The following FAM181A variants were observed in gnomAD, a reference collection of about 807,000 sequenced individuals.
FAM181A encodes protein FAM181A.
In FAM181A, 7 loss-of-function variants were observed where a neutral mutation model predicts 16.3. That is an observed-to-expected ratio of 0.43 (90% CI 0.24 to 0.81). The LOEUF is 0.81. Among genes scored for constraint, FAM181A ranks in the 30% least tolerant of loss-of-function variants. The pLI is 0.24. For synonymous variants in FAM181A, 183 were observed against 164.9 expected (o/e 1.11, Z -0.84); for missense variants, 349 against 377.5 (o/e 0.92, Z 0.63).
chr14:93,925,879 T>C (rs529147848), upstream of FAM181A, among the ~76,000 whole-genome samples: 1 of 151,436 alleles, frequency 6.6e-6, no homozygotes, highest in South Asian at 2.1e-4. Flanking sequence ...GTAGGGGAGA[T>C]GGCTTGGAGT....
chr14:93,928,746 A>C lies in FAM181A; in HGVS notation c.461A>C (p.Glu154Ala), dbSNP rs771128616. 6 of 1,613,804 alleles carry C rather than the reference A, an allele frequency of 3.7e-6. No individual in the cohort carries two copies. The highest frequency in any genetic ancestry group is 4.2e-6 in the Non-Finnish European group (5 of 1,179,950). ...ACCCACAGCTACCATGTGGGGCTGGAGGGGGGACTGGGCCCCAGGGAGGGA... is the reference window on the plus strand; with the variant it reads ...ACCCACAGCTACCATGTGGGGCTGGCGGGGGGACTGGGCCCCAGGGAGGGA... ...RPTHSYHVGL[E>A]GGLGPREGPP... The change falls in exon 2 of 2, where the codon GAG (glutamate) becomes GCG (alanine). Residue 154 changes from glutamate to alanine, a missense_variant. Glu to Ala is a moderately radical substitution (Grantham distance 107). Coordinates refer to ENST00000556222, the MANE Select transcript of FAM181A (RefSeq NM_001207073.2).
rs1467220848 is a variant in FAM181A at position 93,927,671 on chromosome 14, C to T, written c.-88+217C>T. ...CAGACAGGGGTCCTGCCTGGTCCTG[C>T]GTGAGAGCTGGGGGTGGAGCGTGGG... On this transcript the variant is annotated intron_variant, in intron 1 of 1. Coordinates refer to ENST00000556222, the MANE Select transcript of FAM181A (RefSeq NM_001207073.2). 9 of 1,207,018 alleles carry T rather than the reference C, an allele frequency of 7.5e-6. No individual in the cohort carries two copies. In the Admixed American group the frequency reaches 1.3e-4, roughly 18 times the overall value. 74.8% of individuals were successfully genotyped at this position (1,207,018 alleles called of 1,614,324 possible).
Position 93,929,320 on chromosome 14 carries a change from G to A in FAM181A, c.*156G>A. ...GCAGGATTGGGGCAGGGCTCCTCAG[G>A]CAGTGACCCTTCAGCCTTGCAGCCT... On this transcript the variant is annotated 3_prime_UTR_variant, in exon 2 of 2. Coordinates refer to ENST00000556222, the MANE Select transcript of FAM181A (RefSeq NM_001207073.2). 9.5e-7 allele frequency: 1 copy of A among 1,051,126 alleles called. No individual in the cohort carries two copies. The highest frequency in any genetic ancestry group is 1.3e-6 in the Non-Finnish European group (1 of 776,780). The allele number at this position is 1,051,126 out of a possible 1,614,324, so 65.1% of individuals were successfully genotyped here. A position where few individuals can be genotyped will look rare whatever the true frequency, so the allele number is the denominator to read the frequency against.
Position 93,928,592 on chromosome 14 carries a change from C to T in FAM181A, c.307C>T (p.Pro103Ser). 1 of 1,613,858 alleles carries T rather than the reference C, an allele frequency of 6.2e-7. No homozygotes were observed. The highest frequency in any genetic ancestry group is 1.3e-5 in the African/African-American group (1 of 75,034). ...GGCKEKVLRN[P>S]YREECLAKEQ... ...CTGCAAGGAGAAGGTGCTGAGGAAC[C>T]CCTACAGGGAGGAATGTCTTGCTAA... The change falls in exon 2 of 2, where the codon CCC becomes TCC. Residue 103 changes from proline to serine, a missense_variant. Transcript: ENST00000556222.
rs201033914 is a variant in FAM181A, at chr14:93,928,499, T to A, written c.214T>A (p.Ser72Thr). ...TGCTGAGCCCTACCTGAAAAGGGGGTCTGAGGACCGGCCCAGGAGGCTGCT... is the reference window on the plus strand; with the variant it reads ...TGCTGAGCCCTACCTGAAAAGGGGGACTGAGGACCGGCCCAGGAGGCTGCT... ...RAAEPYLKRG[S>T]EDRPRRLLLD... Residue 72 changes from serine to threonine, a missense_variant, in exon 2 of 2, where the codon TCT becomes ACT. Ser to Thr is a moderately conservative substitution (Grantham distance 58). Transcript: ENST00000556222. 91 of 1,609,718 alleles carry A rather than the reference T, an allele frequency of 5.7e-5. No individual in the cohort carries two copies. In the East Asian group the frequency reaches 2.0e-3, roughly 36 times the overall value.
upstream of FAM181A, chr14:93,923,589 G>A (rs1887801726): frequency 6.6e-6 from 1 of 152,258 alleles, no homozygotes; most frequent in South Asian, 2.1e-4. Flanking sequence ...CACACCCTCT[G>A]GTCCCTGCAC....
intron 1 of FAM181A, 56 bp downstream of exon 1, chr14:93,927,510 G>A: frequency 1.6e-6 from 2 of 1,276,526 alleles, no homozygotes; most frequent in Non-Finnish European, 1.0e-6. Flanking sequence ...GTGGGGGCAG[G>A]CTGGGGCCTG....
chr14:93,927,060 A>ACACACACACACACACCCCCC (rs143090510), upstream of FAM181A: 3 of 154,094 alleles, frequency 1.9e-5, no homozygotes, highest in East Asian at 2.0e-4. Context: ...ACACACACAC[A>ACACACACACACACACCCCCC]CCCCACCCCC....
upstream of FAM181A, among the ~76,000 whole-genome samples, chr14:93,925,815 CG>C (rs1471990172): frequency 4.6e-5 from 7 of 151,994 alleles, no homozygotes; most frequent in Admixed American, 4.6e-4. Context: ...TTGTCAGCAC[CG>C]GGCCATCTCC....
upstream of FAM181A, chr14:93,927,297 C>T (rs1349756605): frequency 2.9e-6 from 3 of 1,035,148 alleles, no homozygotes; most frequent in Non-Finnish European, 3.5e-6. Context: ...GCCTGAGGGG[C>T]CCCCCAGCTC....
Position 93,929,033 on chromosome 14 carries a change from G to A in FAM181A, c.748G>A (p.Gly250Arg), listed in dbSNP as rs761151714. The A allele has an allele frequency of 6.9e-6, 11 of 1,604,830 alleles. No homozygotes were observed. In the Admixed American group the frequency reaches 1.2e-4, roughly 17 times the overall value. The change falls in exon 2 of 2, where the codon GGG becomes AGG. Residue 250 changes from glycine to arginine, a missense_variant. Transcript: ENST00000556222. The stretch of plus-strand genomic sequence containing the variant: ...TTGGAGGAAGAGCCCAGCCTTTCCC[G>A]GGGAGCTGGCGCACCTCTGCAAGGA... Reference protein sequence around the residue: ...GLWRKSPAFPGELAHLCKDVD... With the variant: ...GLWRKSPAFPRELAHLCKDVD...
intron 1 of FAM181A, among the ~76,000 whole-genome samples, chr14:93,920,314 G>A (rs765856140): frequency 2.0e-5 from 3 of 152,170 alleles, no homozygotes; most frequent in African/African-American, 4.8e-5. Flanking sequence ...TACTTGGGAC[G>A]CTGAGGTGGG....
At chr14:93,925,758 C>A (rs71431612), upstream of FAM181A, among the ~76,000 whole-genome samples, 418 of 152,068 alleles carry the variant, frequency 2.7e-3, no homozygotes, top group Non-Finnish European at 4.9e-3. Flanking sequence ...AGGGTAGGGG[C>A]ATGGAGAATA....
chr14:93,921,222 C>T (rs1442186926), intron 1 of FAM181A, among the ~76,000 whole-genome samples: 1 of 152,190 alleles, frequency 6.6e-6, no homozygotes, highest in Non-Finnish European at 1.5e-5. Context: ...GTTCAAAGAT[C>T]TTATCTCTGA....
Position 93,928,860 on chromosome 14 carries a change from C to T in FAM181A, c.575C>T (p.Ala192Val), listed in dbSNP as rs760409781. The T allele has an allele frequency of 4.3e-6, 7 of 1,613,968 alleles. No homozygotes were observed. The African/African-American group carries it at 6.7e-5, about 15-fold the overall frequency. The change falls in exon 2 of 2, where the codon GCT becomes GTT. Residue 192 changes from alanine (A) to valine (V), a missense_variant. Coordinates refer to ENST00000556222, the MANE Select transcript of FAM181A (RefSeq NM_001207073.2). ...TLVSMSPRALAEKEPLKMPGV... is the reference protein window; with the variant it reads ...TLVSMSPRALVEKEPLKMPGV... Reference sequence around the variant, plus strand: ...GTGTCCATGTCTCCAAGGGCCCTGGCTGAAAAGGAGCCGCTCAAGATGCCT... The same window carrying T: ...GTGTCCATGTCTCCAAGGGCCCTGGTTGAAAAGGAGCCGCTCAAGATGCCT...
chr14:93,924,521 A>G (rs79724424), upstream of FAM181A, among the ~76,000 whole-genome samples: 22,987 of 152,182 alleles, frequency 0.15, 1,922 homozygotes, highest in Non-Finnish European at 0.18. Flanking sequence ...AACACAGAGG[A>G]GCCTTCCCTT....
upstream of FAM181A, chr14:93,925,122 G>A: frequency 1.5e-6 from 1 of 659,970 alleles, no homozygotes; most frequent in Non-Finnish European, 2.6e-6. Context: ...CTCCCACGGA[G>A]TCCACGGGCC....
At chr14:93,921,514 C>G (rs372996246) in intron 1 of FAM181A, among the ~76,000 whole-genome samples, 1 of 152,218 alleles carries the variant, frequency 6.6e-6, no homozygotes, top group African/African-American at 2.4e-5. Context: ...GCAAGAAGCA[C>G]GTCCACTCTG....
chr14:93,928,154 G>T, intron 1 of FAM181A, 45 bp from the exon 2 acceptor site: 1 of 1,592,078 alleles, frequency 6.3e-7, no homozygotes, highest in Non-Finnish European at 8.6e-7. Context: ...GGAGGGCTGG[G>T]TGTGGTTGCT....
Sources: allele counts gnomAD v4.1 joint callset (sites outside exome capture counted in the v4.1 genomes callset), GRCh38; gene constraint gnomAD v4.1.1; transcripts MANE v1.5; gene names NCBI Gene and HGNC (gene_info 2026-07-23, HGNC 2026-07-21).